Variants in PPP1R16A observed in about 807,000 individuals in gnomAD.
The protein encoded by PPP1R16A is protein phosphatase 1 regulatory subunit 16A, also known as myosin phosphatase-targeting subunit 3.
A neutral mutation model predicts 46.6 loss-of-function variants in PPP1R16A; 39 were observed. The observed-to-expected ratio is 0.84, with a 90% confidence interval of 0.65 to 1.09. The LOEUF (loss-of-function observed/expected upper bound fraction) is 1.09. Ranked by LOEUF, PPP1R16A falls within the 50% of genes least tolerant of loss-of-function variation. PPP1R16A has a pLI of 0.00. For missense variants in PPP1R16A, 798 were observed against 735.6 expected (o/e 1.08, Z -0.98); for synonymous variants, 413 against 321.5 (o/e 1.28, Z -3.04).
chr8:144,485,526 G>A (rs1490091569), intron 1 of PPP1R16A, among the ~76,000 whole-genome samples: 12 of 142,182 alleles, frequency 8.4e-5, no homozygotes, highest in South Asian at 2.2e-4. Flanking sequence ...TCCATCTCGG[G>A]AAAAAAAAAA....
Position 144,500,270 on chromosome 8 carries a change from T to A in PPP1R16A, c.584T>A (p.Ile195Asn), listed in dbSNP as rs1826349084. The A allele has an allele frequency of 1.3e-6, 2 of 1,557,448 alleles. No homozygotes were observed. The highest frequency in any genetic ancestry group is 1.7e-6 in the Non-Finnish European group (2 of 1,152,336). The change falls in exon 7 of 12, where the codon ATC becomes AAC. Residue 195 changes from isoleucine (I) to asparagine (N), a missense_variant. Coordinates refer to ENST00000435887, the MANE Select transcript of PPP1R16A (RefSeq NM_001329443.2). ...CLETAMADRG[I>N]TQDSIEAARA... is the part of the protein sequence containing the mutation. ...CTCTGAGCCTGCCGCCTCGCAGGCA[T>A]CACCCAGGACAGCATCGAGGCCGCC... is the stretch of plus-strand genomic sequence containing the variant.
intron 1 of PPP1R16A, among the ~76,000 whole-genome samples, chr8:144,483,938 C>T: frequency 6.6e-6 from 1 of 152,236 alleles, no homozygotes; most frequent in East Asian, 1.9e-4. Context: ...ACCATCTTTC[C>T]TTCCAACTTC....
chr8:144,486,834 G>C (rs1359030559), intron 1 of PPP1R16A, among the ~76,000 whole-genome samples: 3 of 152,076 alleles, frequency 2.0e-5, no homozygotes, highest in African/African-American at 7.2e-5. Flanking sequence ...TTTTAGCAAG[G>C]CAAAAGTTTT....
chr8:144,497,408 A>T lies in PPP1R16A; in HGVS notation c.214A>T (p.Ser72Cys), dbSNP rs759486140. ...CCTGAAGCAGGTCCTCTTCCCTCCCAGTGTTGTCCTTCTGGAGGCCGCTGC... is the reference window on the plus strand; with the variant it reads ...CCTGAAGCAGGTCCTCTTCCCTCCCTGTGTTGTCCTTCTGGAGGCCGCTGC... Reference protein sequence around the residue: ...GLLKQVLFPPSVVLLEAAARN... With the variant: ...GLLKQVLFPPCVVLLEAAARN... Residue 72 changes from serine to cysteine, a missense_variant, in exon 3 of 12, where the codon AGT becomes TGT. Ser to Cys is a moderately radical substitution (Grantham distance 112, BLOSUM62 -1). Transcript: ENST00000435887. The T allele has an allele frequency of 6.2e-7, 1 of 1,612,988 alleles. No individual in the cohort carries two copies. Among genetic ancestry groups the T allele is most frequent in the Non-Finnish European group, 8.5e-7 (1 of 1,179,996 alleles).
At chr8:144,497,983 CCCA>C (rs1564767605) in intron 3 of PPP1R16A, 1 of 453,720 alleles carries the variant, frequency 2.2e-6, no homozygotes, top group African/African-American at 2.0e-5. Flanking sequence ...TCACCTGTGC[CCCA>C]CGCTTGCAGC....
chr8:144,501,051 G>A (rs1826419069), intron 10 of PPP1R16A, 78 bp from the exon 11 acceptor site: 1 of 1,534,888 alleles, frequency 6.5e-7, no homozygotes. Flanking sequence ...AGCCGAACTG[G>A]GGGCAGAGTC....
At chr8:144,483,665 C>CA (rs1365634188) in intron 1 of PPP1R16A, among the ~76,000 whole-genome samples, 1 of 149,664 alleles carries the variant, frequency 6.7e-6, no homozygotes, top group African/African-American at 2.5e-5. Flanking sequence ...CTTGGCCTCC[C>CA]AAAGTGCTGG....
At chr8:144,478,326 G>A (rs865835357) in intron 1 of PPP1R16A, 199 bp downstream of exon 1, 2 of 377,924 alleles carry the variant, frequency 5.3e-6, no homozygotes, top group Middle Eastern at 1.4e-3. Context: ...AGGGAGAGAG[G>A]AGGCTGGCGA....
chr8:144,501,456 T>C, intron 11 of PPP1R16A, 64 bp from the exon 12 acceptor site: 1 of 1,486,486 alleles, frequency 6.7e-7, no homozygotes. Context: ...CCATACAGCC[T>C]GAACCCAAGG....
Position 144,500,076 on chromosome 8 carries a change from C to T in PPP1R16A, c.477-20C>T, listed in dbSNP as rs1343728149. 6.3e-7 allele frequency: 1 copy of T among 1,592,628 alleles called. No homozygotes were observed. Among genetic ancestry groups the T allele is most frequent in the African/African-American group, 1.3e-5 (1 of 74,448 alleles). On this transcript the variant is annotated intron_variant, in intron 5 of 11. Transcript: ENST00000435887. ...CGGGGAAGGGCCTTGTGCCCAGCAC[C>T]CCGTCCGTCTTCCCTGCAGTGGCGC...
At chr8:144,492,906 TCTC>T (rs1825875210) in intron 2 of PPP1R16A, among the ~76,000 whole-genome samples, 1 of 152,106 alleles carries the variant, frequency 6.6e-6, no homozygotes, top group African/African-American at 2.4e-5. Flanking sequence ...GGCTGTGGGC[TCTC>T]GTCGCACCAT....
At position 144,501,323 on chromosome 8, in the gene PPP1R16A, C is replaced by T. The variant is rs1408300876; in HGVS notation, c.1203+29C>T. ...AGCGCCCCGTCCCTGCTCCGCCCAG[C>T]GCAGGGGTGGGCCTGGCTCTGCCCT... On this transcript the variant is annotated intron_variant, in intron 11 of 11. Coordinates refer to ENST00000435887, the MANE Select transcript of PPP1R16A (RefSeq NM_001329443.2). 5 of 1,547,014 alleles carry T rather than the reference C, an allele frequency of 3.2e-6. No homozygotes were observed. The African/African-American group carries it at 4.1e-5, about 13-fold the overall frequency.
At chr8:144,499,209 G>T in intron 5 of PPP1R16A, 148 bp downstream of exon 5, 1 of 1,060,362 alleles carries the variant, frequency 9.4e-7, no homozygotes, top group Non-Finnish European at 1.3e-6. Context: ...GGCATGGAGA[G>T]CAGGGCCTGG....
chr8:144,483,184 A>G lies in PPP1R16A; in HGVS notation c.-914+5057A>G, dbSNP rs777802347. Among the ~76,000 whole-genome samples, 172 of 152,158 alleles carry G rather than the reference A, an allele frequency of 1.1e-3. 3 individuals carry two copies. Among genetic ancestry groups the G allele is most frequent in the Admixed American group, 8.5e-4 (13 of 15,262 alleles). On this transcript the variant is annotated intron_variant, in intron 1 of 11. Coordinates refer to ENST00000435887, the MANE Select transcript of PPP1R16A (RefSeq NM_001329443.2). ...CGTTCTGTTCTGTAACGATGTTCAC[A>G]TGTCAGTCTTTCTATCTACAGAACC...
rs993200829 is a variant in PPP1R16A, at chr8:144,500,960, C to T, written c.1026C>T (p.Ala342=). The T allele has an allele frequency of 2.0e-6, 3 of 1,475,214 alleles. No individual in the cohort carries two copies. Among genetic ancestry groups the T allele is most frequent in the South Asian group, 2.7e-5 (2 of 74,972 alleles). 91.4% of individuals were successfully genotyped at this position (1,475,214 alleles called of 1,614,324 possible). Residue 342 remains alanine (A), a synonymous_variant, in exon 10 of 12, where the codon GCC becomes GCT. Transcript: ENST00000435887. ...TGCTGCGCCGCCGCACCTCCAGCGC[C>T]GGCAGCCGCGGGTGAGCGCCGCCCC... ...RSLLRRRTSS[A]GSRGKVVRRV...
intron 3 of PPP1R16A, 116 bp from the exon 4 acceptor site, chr8:144,498,654 C>T: frequency 9.6e-7 from 1 of 1,040,544 alleles, no homozygotes; most frequent in Non-Finnish European, 1.4e-6. Context: ...TCTGGTGTGC[C>T]TCCTGCCATC....
rs767603187 is a variant in PPP1R16A, at chr8:144,497,404, T to G, written c.210T>G (p.Pro70=). 1.4e-5 allele frequency: 23 copies of G among 1,613,014 alleles called. 1 individual carries two copies. The highest frequency in any genetic ancestry group is 1.9e-5 in the Non-Finnish European group (22 of 1,180,004). ...GGCTCCTGAAGCAGGTCCTCTTCCCTCCCAGTGTTGTCCTTCTGGAGGCCG... is the reference window on the plus strand; with the variant it reads ...GGCTCCTGAAGCAGGTCCTCTTCCCGCCCAGTGTTGTCCTTCTGGAGGCCG... ...SQGLLKQVLF[P]PSVVLLEAAA... is the part of the protein sequence containing the mutation. The change falls in exon 3 of 12, where the codon CCT becomes CCG. Residue 70 remains proline (P), a synonymous_variant. Coordinates refer to ENST00000435887, the MANE Select transcript of PPP1R16A (RefSeq NM_001329443.2).
chr8:144,498,676 C>T, intron 3 of PPP1R16A, 94 bp from the exon 4 acceptor site: 1 of 1,284,684 alleles, frequency 7.8e-7, no homozygotes. Context: ...GCACCACTGT[C>T]TTCCTTGTCC....
chr8:144,492,973 T>G (rs1465081386), intron 2 of PPP1R16A, among the ~76,000 whole-genome samples: 1 of 152,062 alleles, frequency 6.6e-6, no homozygotes, highest in Non-Finnish European at 1.5e-5. Flanking sequence ...AGCTCTGGGT[T>G]TAGGCTTGGC....
Sources: allele counts gnomAD v4.1 joint callset (sites outside exome capture counted in the v4.1 genomes callset), GRCh38; gene constraint gnomAD v4.1.1; transcripts MANE v1.5; gene names NCBI Gene and HGNC (gene_info 2026-07-23, HGNC 2026-07-21).